The following BMP8A variants were observed in gnomAD, a reference collection of about 807,000 sequenced individuals.
BMP8A encodes the protein bone morphogenetic protein 8a.
Under a neutral mutation model 36.8 loss-of-function variants are expected in BMP8A, and 14 were observed. The observed-to-expected ratio is 0.38, with a 90% CI of 0.25 to 0.60. BMP8A has a LOEUF of 0.60. Among genes scored for constraint, BMP8A ranks in the 20% least tolerant of loss-of-function variants. The pLI is 0.63. For missense variants in BMP8A, 267 were observed against 551.1 expected, an observed-to-expected ratio of 0.48 and a Z score of 5.16; for synonymous variants, 120 against 237.7, an observed-to-expected ratio of 0.50 and a Z score of 4.55.
chr1:39,515,570 A>C, intron 3 of BMP8A: 2 of 1,423,306 alleles, frequency 1.4e-6, no homozygotes, highest in Non-Finnish European at 1.9e-6. Context: ...CCATCCGGGC[A>C]GACTTCGCCC....
At position 39,526,505 on chromosome 1, in the gene BMP8A, A is replaced by G. The variant is rs904015809; in HGVS notation, c.*707A>G. ...AGGGGCCCACCACCACGCCCAGCTC[A>G]TTCTTGTATTTTTAGTAGAGACGGG... On this transcript the variant is annotated 3_prime_UTR_variant, in exon 7 of 7. Transcript: ENST00000331593. Among the ~76,000 whole-genome samples, 8 of 151,994 alleles carry G rather than the reference A, an allele frequency of 5.3e-5. No homozygotes were observed. Among genetic ancestry groups the G allele is most frequent in the Non-Finnish European group, 7.4e-5 (5 of 67,974 alleles).
At chr1:39,519,694 G>A (rs1645417452) in intron 3 of BMP8A, among the ~76,000 whole-genome samples, 1 of 151,884 alleles carries the variant, frequency 6.6e-6, no homozygotes, top group Non-Finnish European at 1.5e-5. Context: ...GGGACTGAGG[G>A]TGGGGCAGGC....
intron 6 of BMP8A, chr1:39,523,613 T>C (rs1378749537): frequency 1.3e-5 from 18 of 1,439,572 alleles, no homozygotes; most frequent in Non-Finnish European, 1.6e-5. Context: ...TCTCAACCTT[T>C]TGGCTTTTTC....
intron 6 of BMP8A, chr1:39,523,979 A>AACACAC (rs3832006): frequency 0.017 from 2,601 of 152,634 alleles, 31 homozygotes; most frequent in Non-Finnish European, 0.024. Context: ...TAAAAATTAA[A>AACACAC]ACACACACAC....
Position 39,492,306 on chromosome 1 carries a change from C to T in BMP8A, c.315C>T (p.Val105=), listed in dbSNP as rs747460025. ...AEQRLGRADL[V]MSFVNMVERD... ...AGCGCCTGGGCCGCGCCGACCTGGT[C>T]ATGAGCTTCGTCAACATGGGTGAGT... The change falls in exon 1 of 7, where the codon GTC becomes GTT. Residue 105 remains valine (V), a synonymous_variant. Coordinates refer to ENST00000331593, the MANE Select transcript of BMP8A (RefSeq NM_181809.4). 1 of 1,562,678 alleles carries T rather than the reference C, an allele frequency of 6.4e-7. No individual in the cohort carries two copies. The highest frequency in any genetic ancestry group is 1.4e-5 in the African/African-American group (1 of 70,188).
rs2124383449 is a variant in BMP8A at position 39,524,573 on chromosome 1, G to A, written c.1060-1076G>A. On this transcript the variant is annotated intron_variant, in intron 6 of 6. Coordinates refer to ENST00000331593, the MANE Select transcript of BMP8A (RefSeq NM_181809.4). This position sits in a 1 kb window ranked among gnomAD's most constrained non-coding sequence, Gnocchi z 4.0. Reference sequence around the variant, plus strand: ...CTAAGTTCAGGGCCAGCAGGGAGGAGAGGGGCTGGGTGCAGTGAAGGGGAG... The same window carrying A: ...CTAAGTTCAGGGCCAGCAGGGAGGAAAGGGGCTGGGTGCAGTGAAGGGGAG... Among the ~76,000 whole-genome samples the A allele has an allele frequency of 6.6e-6, 1 of 151,096 alleles. No homozygotes were observed. Among genetic ancestry groups the A allele is most frequent in the African/African-American group, 2.5e-5 (1 of 40,408 alleles).
Position 39,526,564 on chromosome 1 carries a change from C to T in BMP8A, c.*766C>T, listed in dbSNP as rs773098705. ...ATATCGGCCAGGCTGGTCTTGAACT[C>T]CTGACCTCAGGTGATCCACCCGCCC... is the stretch of plus-strand genomic sequence containing the variant. On this transcript the variant is annotated 3_prime_UTR_variant, in exon 7 of 7. Coordinates refer to ENST00000331593, the MANE Select transcript of BMP8A (RefSeq NM_181809.4). 2.0e-4 allele frequency among the ~76,000 whole-genome samples: 30 copies of T among 152,268 alleles called. No individual in the cohort carries two copies. In the Middle Eastern group the frequency reaches 0.014, roughly 69 times the overall value.
intron 1 of BMP8A, among the ~76,000 whole-genome samples, chr1:39,498,238 G>T (rs1809695): frequency 0.76 from 116,006 of 152,188 alleles, 46,985 homozygotes; most frequent in Non-Finnish European, 0.9. Flanking sequence ...GCTCCTCCGG[G>T]CTGAGGCACA....
Position 39,503,966 on chromosome 1 carries a change from T to C in BMP8A, c.335-7208T>C, listed in dbSNP as rs564097206. Among the ~76,000 whole-genome samples, 473 of 152,018 alleles carry C rather than the reference T, an allele frequency of 3.1e-3. 5 individuals are homozygous for C. Among genetic ancestry groups the C allele is most frequent in the South Asian group, 0.015 (73 of 4,822 alleles). On this transcript the variant is annotated intron_variant, in intron 1 of 6. Transcript: ENST00000331593. ...AAAAAACAAAACAAAACAAAAAAAG[T>C]ATTTTCCTCACGATATTTATTATTT...
intron 6 of BMP8A, chr1:39,523,705 G>A: frequency 7.2e-7 from 1 of 1,387,902 alleles, no homozygotes; most frequent in Non-Finnish European, 9.4e-7. Flanking sequence ...AACCTTAAAG[G>A]ACAAAAGCAG....
intron 1 of BMP8A, among the ~76,000 whole-genome samples, chr1:39,510,620 C>T (rs1049879124): frequency 4.0e-5 from 6 of 151,878 alleles, no homozygotes; most frequent in Non-Finnish European, 7.4e-5. Flanking sequence ...ATGGCAGATT[C>T]GCACTCATGC....
At position 39,525,802 on chromosome 1, in the gene BMP8A, A is replaced by C. The variant is rs11583829; in HGVS notation, c.*4A>C. ...CAAGGCCTGCGGCTGCCACTGAGTC[A>C]GCCCGCCCAGCCCTACTGCAGCCAC... is the stretch of plus-strand genomic sequence containing the variant. On this transcript the variant is annotated 3_prime_UTR_variant, in exon 7 of 7. Coordinates refer to ENST00000331593, the MANE Select transcript of BMP8A (RefSeq NM_181809.4). 0.16 allele frequency: 259,510 copies of C among 1,613,624 alleles called. 22,786 individuals carry two copies. Among genetic ancestry groups the C allele is most frequent in the Non-Finnish European group, 0.18 (212,430 of 1,179,880 alleles).
At chr1:39,523,517 G>T in intron 6 of BMP8A, 1 of 1,358,086 alleles carries the variant, frequency 7.4e-7, no homozygotes, top group South Asian at 1.9e-5. Flanking sequence ...GACCGCCTGT[G>T]ATATGTGCGC....
At chr1:39,493,614 G>A (rs1408270994) in intron 1 of BMP8A, among the ~76,000 whole-genome samples, 12 of 152,208 alleles carry the variant, frequency 7.9e-5, no homozygotes, top group Non-Finnish European at 1.2e-4. Context: ...TCTGCTTCCC[G>A]CAACCCAGAG....
intron 3 of BMP8A, among the ~76,000 whole-genome samples, chr1:39,517,010 G>T (rs906744892): frequency 2.0e-5 from 3 of 151,476 alleles, no homozygotes; most frequent in Non-Finnish European, 2.9e-5. Flanking sequence ...TTTTTTTGAG[G>T]CAGGGTCTGG....
chr1:39,526,897 AACCTACGT>A lies in BMP8A; in HGVS notation c.*1104_*1111del, dbSNP rs1397598732. 1.3e-5 allele frequency among the ~76,000 whole-genome samples: 2 copies of A among 152,170 alleles called. No individual in the cohort carries two copies. The highest frequency in any genetic ancestry group is 4.8e-5 in the African/African-American group (2 of 41,434). On this transcript the variant is annotated 3_prime_UTR_variant, in exon 7 of 7. Coordinates refer to ENST00000331593, the MANE Select transcript of BMP8A (RefSeq NM_181809.4). The stretch of plus-strand genomic sequence containing the variant: ...TTGCCCATGGCTCATGTCAGTAATC[AACCTACGT>A]ACCTTTCCCACTGAACCAGGACAGG...
At chr1:39,517,792 G>T (rs1015413092) in intron 3 of BMP8A, among the ~76,000 whole-genome samples, 1 of 152,264 alleles carries the variant, frequency 6.6e-6, no homozygotes, top group African/African-American at 2.4e-5. Context: ...AAGGGACCGG[G>T]TGATGGGAGA....
chr1:39,504,172 C>T (rs866633797), intron 1 of BMP8A, among the ~76,000 whole-genome samples: 2 of 151,918 alleles, frequency 1.3e-5, no homozygotes, highest in South Asian at 2.1e-4. Flanking sequence ...GGGTATTTCT[C>T]GAAAGGTGGA....
At chr1:39,525,329 G>A (rs974812099) in intron 6 of BMP8A, among the ~76,000 whole-genome samples, 6 of 152,056 alleles carry the variant, frequency 3.9e-5, no homozygotes, top group African/African-American at 1.4e-4. Context: ...TGGCCATGAG[G>A]TTCTCCTTCC....
Sources: allele counts gnomAD v4.1 joint callset (sites outside exome capture counted in the v4.1 genomes callset), GRCh38; gene constraint gnomAD v4.1.1; non-coding constraint Gnocchi (gnomAD v3.1); transcripts MANE v1.5; gene names NCBI Gene and HGNC (gene_info 2026-07-23, HGNC 2026-07-21).